BFSP1: variants seen among roughly 807,000 people sequenced by gnomAD.
BFSP1 encodes the protein beaded filament structural protein 1.
Under a neutral mutation model 43.9 loss-of-function variants are expected in BFSP1, and 38 were observed. The ratio of observed to expected loss-of-function variants is 0.87; its 90% CI spans 0.67 to 1.14. The LOEUF is 1.14. BFSP1 is among the 50% of genes most tolerant of loss of function. BFSP1 has a pLI of 0.00. For missense variants in BFSP1, 850 were observed against 875.1 expected (o/e 0.97, Z 0.36); for synonymous variants, 352 against 354.8 (o/e 0.99, Z 0.09).
At position 17,531,173 on chromosome 20, in the gene BFSP1, C is replaced by A; in HGVS notation, c.157G>T (p.Ala53Ser). Residue 53 changes from alanine (A) to serine (S), a missense_variant, in exon 1 of 8, where the codon GCC becomes TCC. Physicochemically the swap from Ala to Ser is moderately conservative, Grantham distance 99 (BLOSUM62 1). Coordinates refer to ENST00000377873, the MANE Select transcript of BFSP1 (RefSeq NM_001195.5). Reference protein sequence around the residue: ...ALQGLGERVAAHVQRARALEQ... With the variant: ...ALQGLGERVASHVQRARALEQ... ...AGGGCGCGGGCCCGCTGGACGTGGGCGGCCACGCGCTCGCCGAGCCCCTGC... is the reference window on the plus strand; with the variant it reads ...AGGGCGCGGGCCCGCTGGACGTGGGAGGCCACGCGCTCGCCGAGCCCCTGC... The A allele has an allele frequency of 2.3e-6, 3 of 1,290,248 alleles. No homozygotes were observed. Among genetic ancestry groups the A allele is most frequent in the Non-Finnish European group, 2.9e-6 (3 of 1,021,494 alleles). The allele number at this position is 1,290,248 out of a possible 1,614,324, so 79.9% of individuals were successfully genotyped here.
Position 17,507,991 on chromosome 20 carries a change from G to A in BFSP1, c.735+898C>T, listed in dbSNP as rs3790329. Among the ~76,000 whole-genome samples the A allele has an allele frequency of 0.082, 12,527 of 152,246 alleles. 717 individuals carry two copies. Among genetic ancestry groups the A allele is most frequent in the East Asian group, 0.32 (1,661 of 5,176 alleles). On this transcript the variant is annotated intron_variant, in intron 5 of 7. Transcript: ENST00000377873. This position sits in a 1 kb window ranked among gnomAD's most constrained non-coding sequence, Gnocchi z 4.4. ...GGGGCACTGGAAATCAATAAAAAGC[G>A]CTACATCTAGTTGTGGCTTCACATT...
At chr20:17,503,995 G>A (rs898044157) in intron 5 of BFSP1, among the ~76,000 whole-genome samples, 4 of 152,216 alleles carry the variant, frequency 2.6e-5, no homozygotes, top group African/African-American at 7.2e-5. Context: ...ATCTTTTTAT[G>A]TCTCAGGAAG....
At chr20:17,553,858 TACACATATATATACATATATATATATAC>T (rs1223203115) in intron 1 of BFSP1, among the ~76,000 whole-genome samples, 2 of 70,842 alleles carry the variant, frequency 2.8e-5, no homozygotes, top group Non-Finnish European at 5.0e-5. Flanking sequence ...TACATATATA[TACACATATATATACATATATATATATAC>T]ACACATATAT....
At position 17,525,135 on chromosome 20, in the gene BFSP1, G is replaced by A. The variant is rs982806900; in HGVS notation, c.378-227C>T. Among the ~76,000 whole-genome samples the A allele has an allele frequency of 4.6e-5, 7 of 152,056 alleles. No homozygotes were observed. The highest frequency in any genetic ancestry group is 2.1e-4 in the South Asian group (1 of 4,818). On this transcript the variant is annotated intron_variant, in intron 1 of 7. Transcript: ENST00000377873. The surrounding 1 kb of genome is among the most constrained non-coding windows in gnomAD (Gnocchi z 4.2). ...CGTGGGGTAACCAGGGGCAGTTAGCGGAATAGGAGTCTCCCAGCCCGAAGG... is the reference window on the plus strand; with the variant it reads ...CGTGGGGTAACCAGGGGCAGTTAGCAGAATAGGAGTCTCCCAGCCCGAAGG...
In BFSP1 at chr20:17,531,354, G is replaced by A; in HGVS notation, c.-25C>T. ...TGGCTGCTCTGGCGCGGGCGCGCGG[G>A]CGGCGCCGAGCCGGCTCTCCAGGAG... On this transcript the variant is annotated 5_prime_UTR_variant, in exon 1 of 8. Transcript: ENST00000377873. 1 of 1,357,130 alleles carries A rather than the reference G, an allele frequency of 7.4e-7. No homozygotes were observed. The highest frequency in any genetic ancestry group is 1.7e-5 in the South Asian group (1 of 58,584). 84.1% of individuals were successfully genotyped at this position (1,357,130 alleles called of 1,614,324 possible).
chr20:17,527,684 C>T (rs1446170680), intron 1 of BFSP1, among the ~76,000 whole-genome samples: 1 of 151,956 alleles, frequency 6.6e-6, no homozygotes, highest in Non-Finnish European at 1.5e-5. Flanking sequence ...GCCGAGATCA[C>T]GCCACTGCAC....
chr20:17,551,702 G>T (rs894728450), intron 1 of BFSP1, among the ~76,000 whole-genome samples: 1 of 152,298 alleles, frequency 6.6e-6, no homozygotes, highest in East Asian at 1.9e-4. Context: ...ATAAAATAAG[G>T]CTGGGTGTGA....
In BFSP1 at chr20:17,525,001, A is replaced by G; in HGVS notation, c.378-93T>C. Reference sequence around the variant, plus strand: ...CAGCATTAAATTCAACCTGGGTACGATGCCCTCTCCTTTAAGGAGAGGGTC... The same window carrying G: ...CAGCATTAAATTCAACCTGGGTACGGTGCCCTCTCCTTTAAGGAGAGGGTC... On this transcript the variant is annotated intron_variant, in intron 1 of 7. Coordinates refer to ENST00000377873, the MANE Select transcript of BFSP1 (RefSeq NM_001195.5). This position sits in a 1 kb window ranked among gnomAD's most constrained non-coding sequence, Gnocchi z 4.2. 1 of 1,114,960 alleles carries G rather than the reference A, an allele frequency of 9.0e-7. No individual in the cohort carries two copies. Among genetic ancestry groups the G allele is most frequent in the Non-Finnish European group, 1.4e-6 (1 of 725,644 alleles). 69.1% of individuals were successfully genotyped at this position (1,114,960 alleles called of 1,614,324 possible).
intron 5 of BFSP1, among the ~76,000 whole-genome samples, chr20:17,504,673 G>A (rs943603220): frequency 6.6e-6 from 1 of 152,230 alleles, no homozygotes; most frequent in South Asian, 2.1e-4. Context: ...AGAGAAGAGA[G>A]GTTGGCCCAG....
intron 1 of BFSP1, among the ~76,000 whole-genome samples, chr20:17,558,421 G>A (rs536399174): frequency 9.2e-5 from 14 of 152,284 alleles, no homozygotes; most frequent in Non-Finnish European, 1.6e-4. Context: ...TTTTTTCTCT[G>A]AAAGCTTTTG....
intron 1 of BFSP1, among the ~76,000 whole-genome samples, chr20:17,566,574 T>C (rs2035121965): frequency 6.6e-6 from 1 of 152,212 alleles, no homozygotes; most frequent in African/African-American, 2.4e-5. Flanking sequence ...AGATTCAGTG[T>C]CTGGTGAGAG....
chr20:17,516,311 G>T (rs947243561), intron 2 of BFSP1, among the ~76,000 whole-genome samples: 4 of 152,098 alleles, frequency 2.6e-5, no homozygotes, highest in Non-Finnish European at 5.9e-5. Context: ...TGGGCAAAAA[G>T]AGCAAAACTC....
intron 5 of BFSP1, among the ~76,000 whole-genome samples, chr20:17,506,381 A>G (rs745960196): frequency 1.3e-5 from 2 of 152,198 alleles, no homozygotes; most frequent in African/African-American, 4.8e-5. Context: ...GTGGTGACTC[A>G]TCAAGGCAGC....
exon 1 of BFSP1, chr20:17,558,917 T>A (rs1029518523): frequency 2.2e-6 from 1 of 449,558 alleles, no homozygotes; most frequent in South Asian, 6.9e-5. Context: ...GGATAGAGAA[T>A]ATAAATGAGC....
chr20:17,562,142 G>A (rs146217000), upstream of BFSP1, among the ~76,000 whole-genome samples: 16 of 151,700 alleles, frequency 1.1e-4, no homozygotes, highest in Admixed American at 4.6e-4. Context: ...GACTGGTCTC[G>A]AACTCCTGAC....
Position 17,514,825 on chromosome 20 carries a change from AG to A in BFSP1, c.439-10del. 1 of 1,612,734 alleles carries A rather than the reference AG, an allele frequency of 6.2e-7. No homozygotes were observed. The highest frequency in any genetic ancestry group is 1.1e-5 in the South Asian group (1 of 90,992). On this transcript the variant is annotated splice_polypyrimidine_tract_variant and intron_variant, in intron 2 of 7. Transcript: ENST00000377873. ...AAGGCTTCATCAGCTTCCTGCAATGAGAGCCACATATCCCTGGCCACAGGCA... is the reference window on the plus strand; with the variant it reads ...AAGGCTTCATCAGCTTCCTGCAATGAAGCCACATATCCCTGGCCACAGGCA...
intron 2 of BFSP1, among the ~76,000 whole-genome samples, chr20:17,523,412 G>A (rs975329712): frequency 1.3e-5 from 2 of 151,942 alleles, no homozygotes; most frequent in African/African-American, 4.8e-5. Flanking sequence ...AGGGTGCTGG[G>A]TCCCCGTGTC....
chr20:17,497,027 G>A lies in BFSP1; in HGVS notation c.957-4C>T. On this transcript the variant is annotated splice_region_variant and splice_polypyrimidine_tract_variant and intron_variant, in intron 6 of 7. Transcript: ENST00000377873. The stretch of plus-strand genomic sequence containing the variant: ...TTCAATGAAGGCAGAGGTCAGCCTG[G>A]CAGAAAGAACCAGAAAGAACAAGCC... The A allele has an allele frequency of 6.5e-7, 1 of 1,531,312 alleles. No individual in the cohort carries two copies. 94.9% of individuals were successfully genotyped at this position (1,531,312 alleles called of 1,614,324 possible).
intron 1 of BFSP1, among the ~76,000 whole-genome samples, chr20:17,564,134 A>C (rs1054037778): frequency 6.6e-6 from 1 of 151,902 alleles, no homozygotes; most frequent in Non-Finnish European, 1.5e-5. Flanking sequence ...AGCGTTCCAG[A>C]CCAGGCTGGG....
Sources: allele counts gnomAD v4.1 joint callset (sites outside exome capture counted in the v4.1 genomes callset), GRCh38; gene constraint gnomAD v4.1.1; non-coding constraint Gnocchi (gnomAD v3.1); transcripts MANE v1.5; gene names NCBI Gene and HGNC (gene_info 2026-07-23, HGNC 2026-07-21).